Variants in SLC6A18 observed in about 807,000 individuals in gnomAD.
SLC6A18 encodes the protein inactive sodium-dependent neutral amino acid transporter B(0)AT3.
SLC6A18 carries 58 observed loss-of-function variants against 62.9 expected under a neutral mutation model. The observed-to-expected ratio is 0.92, with a 90% CI of 0.75 to 1.15. The LOEUF (loss-of-function observed/expected upper bound fraction) is 1.15, where lower values mean the gene tolerates loss of function less well. SLC6A18 is among the 50% of genes most tolerant of loss of function. The probability of loss-of-function intolerance (pLI) is 0.00; values close to 1 mark genes in which losing one functional copy is unlikely to be tolerated. For synonymous variants in SLC6A18, 382 were observed against 365.8 expected (o/e 1.04, Z -0.51); for missense variants, 793 against 836.6 (o/e 0.95, Z 0.64).
At position 1,232,231 on chromosome 5, in the gene SLC6A18, T is replaced by A. The variant is rs770749613; in HGVS notation, c.173T>A (p.Ile58Asn). 6.2e-7 allele frequency: 1 copy of A among 1,611,530 alleles called. No individual in the cohort carries two copies. The highest frequency in any genetic ancestry group is 1.3e-5 in the African/African-American group (1 of 74,856). ...CQTYGGGAFLIPYVIALVFEG... is the reference protein window; with the variant it reads ...CQTYGGGAFLNPYVIALVFEG... ...CCCCTCCTCACAGGGGCCTTCCTCATCCCCTACGTCATCGCGCTGGTCTTC... is the reference window on the plus strand; with the variant it reads ...CCCCTCCTCACAGGGGCCTTCCTCAACCCCTACGTCATCGCGCTGGTCTTC... Residue 58 changes from isoleucine to asparagine, a missense_variant, in exon 2 of 12, where the codon ATC (isoleucine) becomes AAC (asparagine). Ile to Asn is a moderately radical substitution (Grantham distance 149). Coordinates refer to ENST00000324642, the MANE Select transcript of SLC6A18 (RefSeq NM_182632.3).
At position 1,225,642 on chromosome 5, in the gene SLC6A18, G is replaced by GC; in HGVS notation, c.160+6dup. 6.4e-7 allele frequency: 1 copy of GC among 1,561,560 alleles called. No individual in the cohort carries two copies. Among genetic ancestry groups the GC allele is most frequent in the Non-Finnish European group, 8.7e-7 (1 of 1,152,864 alleles). ...TGTGCCAGACCTATGGAGGAGGTAA[G>GC]CACCCACCTGCGTCCTGGGGCAGAC... On this transcript the variant is annotated splice_donor_region_variant and intron_variant, in intron 1 of 11. Transcript: ENST00000324642.
intron 1 of SLC6A18, among the ~76,000 whole-genome samples, chr5:1,226,791 G>C (rs1473405805): frequency 6.6e-6 from 1 of 152,222 alleles, no homozygotes; most frequent in East Asian, 1.9e-4. Context: ...CGGGGCCCTC[G>C]CTGCCTGTGC....
intron 1 of SLC6A18, among the ~76,000 whole-genome samples, chr5:1,226,892 A>G (rs1226394236): frequency 6.6e-6 from 1 of 151,992 alleles, no homozygotes; most frequent in East Asian, 1.9e-4. Context: ...CCAACGCTTT[A>G]CCCACCAACG....
chr5:1,225,900 G>A (rs1376992761), intron 1 of SLC6A18, among the ~76,000 whole-genome samples: 2 of 152,170 alleles, frequency 1.3e-5, no homozygotes, highest in Admixed American at 6.5e-5. Context: ...CGGGACCTCA[G>A]GGCAGCTTCC....
intron 5 of SLC6A18, among the ~76,000 whole-genome samples, chr5:1,238,482 GGGCCTGGAGGACTCAGGAAAGACATC>G: frequency 1.1e-5 from 1 of 92,306 alleles, no homozygotes; most frequent in African/African-American, 8.7e-5. Flanking sequence ...GGTTTGGAGT[GGGCCTGGAGGACTCAGGAAAGACATC>G]AGGTTTGGAG....
At chr5:1,232,981 G>T in intron 3 of SLC6A18, 93 bp downstream of exon 3, 1 of 1,502,946 alleles carries the variant, frequency 6.7e-7, no homozygotes, top group African/African-American at 1.4e-5. Flanking sequence ...TGCGGGTGGC[G>T]GATGCTCACC....
intron 5 of SLC6A18, 122 bp from the exon 6 acceptor site, chr5:1,239,328 G>T: frequency 2.8e-6 from 2 of 711,698 alleles, no homozygotes; most frequent in African/African-American, 1.7e-5. Context: ...CCTGGTGTCT[G>T]TACAGGTCAC....
At chr5:1,244,183 T>TCCCCCCC in intron 9 of SLC6A18, 31 bp from the exon 10 acceptor site, 2 of 710,308 alleles carry the variant, frequency 2.8e-6, no homozygotes, top group Non-Finnish European at 4.8e-6. Flanking sequence ...CCCATCCCCT[T>TCCCCCCC]ACCCCCCACA....
At chr5:1,230,918 C>T (rs1461385432) in intron 1 of SLC6A18, among the ~76,000 whole-genome samples, 4 of 152,114 alleles carry the variant, frequency 2.6e-5, no homozygotes, top group South Asian at 2.1e-4. Context: ...GACGGTGACT[C>T]GCTTGGGGAA....
At chr5:1,228,041 G>T (rs1746627451) in intron 1 of SLC6A18, among the ~76,000 whole-genome samples, 1 of 151,824 alleles carries the variant, frequency 6.6e-6, no homozygotes. Context: ...GAGATCTGTG[G>T]ATTCTTGCAC....
At chr5:1,227,021 G>A (rs1422664704) in intron 1 of SLC6A18, among the ~76,000 whole-genome samples, 9 of 50,758 alleles carry the variant, frequency 1.8e-4, no homozygotes, top group Admixed American at 1.7e-3. Flanking sequence ...CCGCCGACGC[G>A]CCCAACGCCT....
At chr5:1,237,714 A>G (rs1168038449) in intron 4 of SLC6A18, among the ~76,000 whole-genome samples, 1 of 152,152 alleles carries the variant, frequency 6.6e-6, no homozygotes, top group Non-Finnish European at 1.5e-5. Context: ...ATGGGGCACA[A>G]ACATGTAAAC....
chr5:1,230,694 G>A (rs1383360671), intron 1 of SLC6A18, among the ~76,000 whole-genome samples: 3 of 152,210 alleles, frequency 2.0e-5, no homozygotes, highest in East Asian at 3.9e-4. Flanking sequence ...ACCCTGCCTG[G>A]CAAAGTGGAG....
chr5:1,226,856 G>A (rs959677102), intron 1 of SLC6A18, among the ~76,000 whole-genome samples: 3 of 152,212 alleles, frequency 2.0e-5, no homozygotes, highest in African/African-American at 7.2e-5. Flanking sequence ...GGGGCAGCAG[G>A]CTTCACGCAG....
chr5:1,235,410 T>C lies in SLC6A18; in HGVS notation c.440-71T>C, dbSNP rs1746856204. ...AGTGTTGTGAGCAGCCCAGGGAAAT[T>C]GAGCTCAAGAGCCACATGGTGAGGG... On this transcript the variant is annotated intron_variant, in intron 3 of 11. Coordinates refer to ENST00000324642, the MANE Select transcript of SLC6A18 (RefSeq NM_182632.3). The C allele has an allele frequency of 3.3e-6, 5 of 1,504,178 alleles. No homozygotes were observed. The African/African-American group carries it at 6.9e-5, about 21-fold the overall frequency. 93.2% of individuals were successfully genotyped at this position (1,504,178 alleles called of 1,614,324 possible).
intron 8 of SLC6A18, 116 bp downstream of exon 8, chr5:1,242,979 G>A: frequency 7.9e-7 from 1 of 1,268,828 alleles, no homozygotes; most frequent in Non-Finnish European, 1.1e-6. Context: ...CCAGGGCCAG[G>A]GCCTGTGAAC....
rs1184210354 is a variant in SLC6A18, at chr5:1,241,692, C to T, written c.975-1015C>T. Among the ~76,000 whole-genome samples the T allele has an allele frequency of 6.6e-6, 1 of 152,202 alleles. No individual in the cohort carries two copies. Among genetic ancestry groups the T allele is most frequent in the Non-Finnish European group, 1.5e-5 (1 of 68,044 alleles). On this transcript the variant is annotated intron_variant, in intron 7 of 11. Transcript: ENST00000324642. The surrounding 1 kb of genome is among the most constrained non-coding windows in gnomAD (Gnocchi z 7.8). Reference sequence around the variant, plus strand: ...TGATTTATAGGATTTACAGGATGAGCCGGGTCAAGAAGGCAGAGCTGGGCT... The same window carrying T: ...TGATTTATAGGATTTACAGGATGAGTCGGGTCAAGAAGGCAGAGCTGGGCT...
chr5:1,233,640 G>C (rs558843117), intron 3 of SLC6A18, among the ~76,000 whole-genome samples: 1 of 149,400 alleles, frequency 6.7e-6, no homozygotes, highest in East Asian at 2.0e-4. Context: ...CTGGAGTGCA[G>C]TGGTGCAAGC....
rs540305854 is a variant in SLC6A18 at position 1,239,441 on chromosome 5, T to C, written c.733-9T>C. The C allele has an allele frequency of 6.2e-7, 1 of 1,605,762 alleles. No homozygotes were observed. Among genetic ancestry groups the C allele is most frequent in the East Asian group, 2.2e-5 (1 of 44,850 alleles). ...TGCTGAGTGAGACGCTCTCCCTGAC[T>C]CATTCCAGATGCACATTCTCCAGAA... On this transcript the variant is annotated splice_polypyrimidine_tract_variant and intron_variant, in intron 5 of 11. Transcript: ENST00000324642.
Sources: gnomAD v4.1 joint callset for allele counts (sites outside exome capture counted in the v4.1 genomes callset) on GRCh38, gnomAD v4.1.1 for gene constraint, Gnocchi (gnomAD v3.1) non-coding constraint, MANE v1.5 for transcripts, NCBI Gene and HGNC (gene_info 2026-07-23, HGNC 2026-07-21) for gene names.